Variants in PCDHGB5 observed in about 807,000 individuals in gnomAD.
PCDHGB5 encodes the protein protocadherin gamma subfamily B, 5, also known as protocadherin gamma-B5.
PCDHGB5 carries 48 observed loss-of-function variants against 62.9 expected under a neutral mutation model. The observed-to-expected ratio is 0.76, with a 90% CI of 0.61 to 0.97. The LOEUF is 0.97. Ranked by LOEUF, PCDHGB5 falls within the 50% of genes least tolerant of loss-of-function variation. The pLI is 0.00. For missense variants in PCDHGB5, 1,118 were observed against 1,198.6 expected (o/e 0.93, Z 0.99); for synonymous variants, 474 against 511.2 (o/e 0.93, Z 0.98).
rs1195194477 is a variant in PCDHGB5, at chr5:141,432,620, C to G, written c.2397+32096C>G. On this transcript the variant is annotated intron_variant, in intron 1 of 3. Transcript: ENST00000617380. The surrounding 1 kb of genome is among the most constrained non-coding windows in gnomAD (Gnocchi z 6.0). ...CGAGCCGGGACTCTTCTCGGTGGGTCTGCACACGGGCGAGGTGCGCACGGC... is the reference window on the plus strand; with the variant it reads ...CGAGCCGGGACTCTTCTCGGTGGGTGTGCACACGGGCGAGGTGCGCACGGC... 6 of 1,613,190 alleles carry G rather than the reference C, an allele frequency of 3.7e-6. No individual in the cohort carries two copies. Among genetic ancestry groups the G allele is most frequent in the Admixed American group, 1.7e-5 (1 of 59,978 alleles).
In PCDHGB5 at chr5:141,477,292, A is replaced by G; in HGVS notation, c.2398-17515A>G. The G allele has an allele frequency of 1.2e-6, 2 of 1,614,114 alleles. No individual in the cohort carries two copies. The highest frequency in any genetic ancestry group is 4.5e-5 in the East Asian group (2 of 44,862). On this transcript the variant is annotated intron_variant, in intron 1 of 3. Transcript: ENST00000617380. The surrounding 1 kb of genome is among the most constrained non-coding windows in gnomAD (Gnocchi z 4.9). ...ACGGGCTGGTGACCTGCGAAGTTCCACCGGGTCTCCCTTTCAGCCTTACTT... is the reference window on the plus strand; with the variant it reads ...ACGGGCTGGTGACCTGCGAAGTTCCGCCGGGTCTCCCTTTCAGCCTTACTT...
At chr5:141,422,344 C>A in intron 1 of PCDHGB5, 1 of 1,550,890 alleles carries the variant, frequency 6.4e-7, no homozygotes, top group Non-Finnish European at 8.7e-7. Flanking sequence ...TCTAAATGTG[C>A]AAGATCAAGA....
chr5:141,408,958 T>A, intron 1 of PCDHGB5: 8 of 1,613,670 alleles, frequency 5.0e-6, no homozygotes, highest in Non-Finnish European at 6.8e-6. Flanking sequence ...TTAGTCTTAG[T>A]GAAAATCTGC....
chr5:141,497,084 G>A (rs1417389801), intron 2 of PCDHGB5, among the ~76,000 whole-genome samples: 1 of 152,098 alleles, frequency 6.6e-6, no homozygotes, highest in East Asian at 1.9e-4. Context: ...AGCGACTTAG[G>A]AGGCTGAGGC....
Position 141,489,267 on chromosome 5 carries a change from C to T in PCDHGB5, c.2398-5540C>T, listed in dbSNP as rs370726160. 27 of 1,553,302 alleles carry T rather than the reference C, an allele frequency of 1.7e-5. No individual in the cohort carries two copies. Among genetic ancestry groups the T allele is most frequent in the African/African-American group, 8.2e-5 (6 of 73,324 alleles). ...TGGGGCCCAAGACACTCCCACAGCT[C>T]GCTGGGAAATGGCAAGTGCTGTGCA... On this transcript the variant is annotated intron_variant, in intron 1 of 3. Transcript: ENST00000617380. This position sits in a 1 kb window ranked among gnomAD's most constrained non-coding sequence, Gnocchi z 4.5.
intron 1 of PCDHGB5, among the ~76,000 whole-genome samples, chr5:141,483,094 G>C (rs1304382782): frequency 6.6e-6 from 1 of 152,058 alleles, no homozygotes; most frequent in African/African-American, 2.4e-5. Context: ...CAAAAAAAAA[G>C]TGTGCGTGTA....
intron 1 of PCDHGB5, among the ~76,000 whole-genome samples, chr5:141,425,485 A>G (rs2096878362): frequency 6.6e-6 from 1 of 152,274 alleles, no homozygotes; most frequent in Non-Finnish European, 1.5e-5. Context: ...ATGGCAACCT[A>G]CTAGGCTATA....
chr5:141,404,200 A>C, intron 1 of PCDHGB5: 1 of 1,613,696 alleles, frequency 6.2e-7, no homozygotes, highest in Non-Finnish European at 8.5e-7. Context: ...AAAAAGCCTC[A>C]GAATATAATA....
intron 1 of PCDHGB5, among the ~76,000 whole-genome samples, chr5:141,459,660 T>C (rs73280323): frequency 7.9e-4 from 120 of 152,386 alleles, no homozygotes; most frequent in African/African-American, 2.7e-3. Flanking sequence ...AATATCACTT[T>C]ACATTTTCAT....
In PCDHGB5 at chr5:141,418,848, G is replaced by A. The variant is rs770294020; in HGVS notation, c.2397+18324G>A. 20 of 1,613,836 alleles carry A rather than the reference G, an allele frequency of 1.2e-5. No individual in the cohort carries two copies. Among genetic ancestry groups the A allele is most frequent in the South Asian group, 6.6e-5 (6 of 91,080 alleles). ...AAAGACCGAGGATCTCTCTCAACAC[G>A]GTGTAAAGTAATTGTAGAAGTTGTA... On this transcript the variant is annotated intron_variant, in intron 1 of 3. Coordinates refer to ENST00000617380, the MANE Select transcript of PCDHGB5 (RefSeq NM_018925.3).
chr5:141,455,093 T>C (rs2098812615), intron 1 of PCDHGB5, among the ~76,000 whole-genome samples: 1 of 152,060 alleles, frequency 6.6e-6, no homozygotes, highest in African/African-American at 2.4e-5. Context: ...ATTACAGGCT[T>C]GAGCCACTGC....
chr5:141,474,981 G>A (rs1336399018), intron 1 of PCDHGB5, among the ~76,000 whole-genome samples: 1 of 152,126 alleles, frequency 6.6e-6, no homozygotes, highest in African/African-American at 2.4e-5. Context: ...ATTTTGTTTG[G>A]TGACAACAAT....
intron 1 of PCDHGB5, 170 bp downstream of exon 1, chr5:141,400,694 C>T: frequency 1.3e-6 from 1 of 763,776 alleles, no homozygotes; most frequent in South Asian, 1.9e-5. Context: ...GTTTTTATGT[C>T]GCATAAAAGA....
Position 141,410,164 on chromosome 5 carries a change from C to T in PCDHGB5, c.2397+9640C>T, listed in dbSNP as rs756470415. The T allele has an allele frequency of 4.4e-5, 71 of 1,613,642 alleles. No homozygotes were observed. The highest frequency in any genetic ancestry group is 5.8e-5 in the Non-Finnish European group (69 of 1,179,812). On this transcript the variant is annotated intron_variant, in intron 1 of 3. Transcript: ENST00000617380. ...TGCGTGACGGTGGACAGCCGCCACTCTCTGCCACCGCCACGCTTCATCTGG... is the reference window on the plus strand; with the variant it reads ...TGCGTGACGGTGGACAGCCGCCACTTTCTGCCACCGCCACGCTTCATCTGG...
chr5:141,399,018 T>C lies in PCDHGB5; in HGVS notation c.891T>C (p.Ile297=). 5 of 1,613,892 alleles carry C rather than the reference T, an allele frequency of 3.1e-6. No individual in the cohort carries two copies. The South Asian group carries it at 3.3e-5, about 11-fold the overall frequency. The change falls in exon 1 of 4, where the codon ATT becomes ATC. Residue 297 remains isoleucine (I), a synonymous_variant. Coordinates refer to ENST00000617380, the MANE Select transcript of PCDHGB5 (RefSeq NM_018925.3). ...IFSLNSKSGE[I]TTQKKLDFEE... is the part of the protein sequence containing the mutation. ...GTCTGAATTCAAAGAGCGGAGAAATTACCACTCAAAAGAAACTGGATTTTG... is the reference window on the plus strand; with the variant it reads ...GTCTGAATTCAAAGAGCGGAGAAATCACCACTCAAAAGAAACTGGATTTTG...
At chr5:141,441,537 C>A in intron 1 of PCDHGB5, 1 of 173,250 alleles carries the variant, frequency 5.8e-6, no homozygotes, top group Non-Finnish European at 1.2e-5. Context: ...ACAATCTTCC[C>A]AAAGCCTCCA....
At chr5:141,404,614 C>T in intron 1 of PCDHGB5, 5 of 1,614,078 alleles carry the variant, frequency 3.1e-6, no homozygotes, top group Non-Finnish European at 4.2e-6. Context: ...TTGTTTTGGA[C>T]CAGAATGACA....
At chr5:141,502,300 TTCCTC>T (rs139569110) in intron 2 of PCDHGB5, among the ~76,000 whole-genome samples, 4,853 of 152,256 alleles carry the variant, frequency 0.032, 250 homozygotes, top group African/African-American at 0.11. Flanking sequence ...TGTCACGTCT[TTCCTC>T]TCCTTTAATC....
intron 1 of PCDHGB5, among the ~76,000 whole-genome samples, chr5:141,484,358 G>A (rs2099595185): frequency 6.6e-6 from 1 of 152,160 alleles, no homozygotes; most frequent in South Asian, 2.1e-4. Flanking sequence ...AGTGTATCTA[G>A]TGTATCACTA....
Sources: allele counts gnomAD v4.1 joint callset (sites outside exome capture counted in the v4.1 genomes callset), GRCh38; gene constraint gnomAD v4.1.1; non-coding constraint Gnocchi (gnomAD v3.1); transcripts MANE v1.5; gene names NCBI Gene and HGNC (gene_info 2026-07-23, HGNC 2026-07-21).